MYT1L: variants seen among roughly 807,000 people sequenced by gnomAD.
The protein encoded by MYT1L is myelin transcription factor 1 like, also known as myelin transcription factor 1-like protein.
Under a neutral mutation model 126.7 loss-of-function variants are expected in MYT1L, and 12 were observed. The observed-to-expected ratio is 0.09, with a 90% CI of 0.06 to 0.15. MYT1L has a LOEUF of 0.15. MYT1L is among the 10% of genes least tolerant of loss of function. The pLI is 1.00. For missense variants in MYT1L, 979 were observed against 1,585.2 expected, an observed-to-expected ratio of 0.62 and a Z score of 6.49; for synonymous variants, 541 against 604.2, an observed-to-expected ratio of 0.90 and a Z score of 1.53.
At chr2:1,918,635 T>C (rs916934777) in intron 10 of MYT1L, among the ~76,000 whole-genome samples, 2 of 152,208 alleles carry the variant, frequency 1.3e-5, no homozygotes, top group Non-Finnish European at 2.9e-5. Context: ...CATGTTCATA[T>C]AAAAACACTC....
At chr2:1,957,467 T>C (rs2058589505) in intron 8 of MYT1L, among the ~76,000 whole-genome samples, 1 of 152,110 alleles carries the variant, frequency 6.6e-6, no homozygotes, top group Non-Finnish European at 1.5e-5. Flanking sequence ...CATTAGATTG[T>C]TCTTACGCCT....
intron 18 of MYT1L, among the ~76,000 whole-genome samples, chr2:1,880,353 T>A (rs537756422): frequency 1.3e-5 from 2 of 152,290 alleles, no homozygotes; most frequent in South Asian, 2.1e-4. Context: ...ATTTTTACTT[T>A]TCGAGACAGA....
chr2:2,146,168 A>C (rs1463722530), intron 3 of MYT1L, among the ~76,000 whole-genome samples: 3 of 152,252 alleles, frequency 2.0e-5, no homozygotes, highest in Non-Finnish European at 4.4e-5. Context: ...ATATTTTTTC[A>C]AATAATGTTT....
chr2:2,304,388 G>T (rs546687941), intron 1 of MYT1L, among the ~76,000 whole-genome samples: 1 of 152,192 alleles, frequency 6.6e-6, no homozygotes, highest in Non-Finnish European at 1.5e-5. Context: ...GATAGGCAGG[G>T]CTTAGCAGGG....
intron 3 of MYT1L, among the ~76,000 whole-genome samples, chr2:2,112,122 C>A (rs561703420): frequency 1.6e-4 from 24 of 152,296 alleles, no homozygotes; most frequent in Non-Finnish European, 3.4e-4. Context: ...CTGTCTGGGA[C>A]CTTGTGCTCC....
chr2:2,301,764 C>T (rs890804379), intron 1 of MYT1L, among the ~76,000 whole-genome samples: 16 of 149,444 alleles, frequency 1.1e-4, no homozygotes, highest in Non-Finnish European at 2.4e-4. Flanking sequence ...GAGATCAGGG[C>T]TGCAGTGAGC....
In MYT1L at chr2:2,176,564, T is replaced by C. The variant is rs938225907; in HGVS notation, c.-420-3576A>G. Among the ~76,000 whole-genome samples the C allele has an allele frequency of 2.6e-5, 4 of 151,660 alleles. No homozygotes were observed. The East Asian group carries it at 5.8e-4, about 22-fold the overall frequency. ...CCCAGGCTGGAGTGCAGTGGCACGA[T>C]CTTGGCTCACTGCAAGCTCCACCTC... On this transcript the variant is annotated intron_variant, in intron 2 of 24. Transcript: ENST00000647738.
intron 19 of MYT1L, among the ~76,000 whole-genome samples, chr2:1,847,862 G>A (rs2042707266): frequency 6.6e-6 from 1 of 152,104 alleles, no homozygotes; most frequent in Admixed American, 6.5e-5. Context: ...ATGGACTTAG[G>A]GACGTTTTAG....
intron 2 of MYT1L, among the ~76,000 whole-genome samples, chr2:2,233,489 G>A (rs755623174): frequency 1.3e-5 from 2 of 152,164 alleles, no homozygotes; most frequent in Admixed American, 6.5e-5. Context: ...GCTCCTGAGG[G>A]GTCTACACAT....
rs138051185 is a variant in MYT1L at position 2,027,030 on chromosome 2, C to T, written c.-158+26948G>A. ...GCGTCCAGGCGGGGGCACATCGGATCGCTCCACCTGGACCCCTCGCCACCT... is the reference window on the plus strand; with the variant it reads ...GCGTCCAGGCGGGGGCACATCGGATTGCTCCACCTGGACCCCTCGCCACCT... On this transcript the variant is annotated intron_variant, in intron 4 of 24. Transcript: ENST00000647738. Among the ~76,000 whole-genome samples the T allele has an allele frequency of 3.3e-3, 495 of 152,264 alleles. 3 individuals carry two copies. The highest frequency in any genetic ancestry group is 5.9e-3 in the Non-Finnish European group (398 of 68,016).
At chr2:2,301,868 T>C (rs1203641570) in intron 1 of MYT1L, among the ~76,000 whole-genome samples, 1 of 150,232 alleles carries the variant, frequency 6.7e-6, no homozygotes, top group African/African-American at 2.4e-5. Flanking sequence ...CATATGGTCA[T>C]ATCATAGAGA....
intron 21 of MYT1L, among the ~76,000 whole-genome samples, chr2:1,814,697 CTCAGT>C (rs2037353930): frequency 1.3e-5 from 2 of 152,206 alleles, no homozygotes; most frequent in Non-Finnish European, 2.9e-5. Context: ...TAAAGATCTG[CTCAGT>C]TAAGTTCTTT....
intron 3 of MYT1L, among the ~76,000 whole-genome samples, chr2:2,148,023 C>T (rs748178311): frequency 1.4e-4 from 21 of 152,154 alleles, no homozygotes; most frequent in Admixed American, 5.9e-4. Context: ...AGGAGATTGG[C>T]GAGAGGCCGC....
intron 14 of MYT1L, chr2:1,902,868 C>T (rs2050537420): frequency 7.0e-6 from 4 of 569,468 alleles, no homozygotes; most frequent in Non-Finnish European, 1.3e-5. Context: ...TGAGGGGAAA[C>T]CATCTCCTTC....
intron 1 of MYT1L, among the ~76,000 whole-genome samples, chr2:2,285,001 C>T (rs2095498716): frequency 6.6e-6 from 1 of 152,190 alleles, no homozygotes; most frequent in Non-Finnish European, 1.5e-5. Flanking sequence ...CAGGTGTGAG[C>T]CACTGCGCCT....
At chr2:1,975,751 C>A (rs1236627086) in intron 8 of MYT1L, among the ~76,000 whole-genome samples, 10 of 152,128 alleles carry the variant, frequency 6.6e-5, no homozygotes. Context: ...GTAATCCCAG[C>A]TACTTGTGAA....
chr2:1,960,498 G>C (rs114414164), intron 8 of MYT1L, among the ~76,000 whole-genome samples: 8 of 152,300 alleles, frequency 5.3e-5, no homozygotes, highest in African/African-American at 1.9e-4. Flanking sequence ...TAAAGTCAAC[G>C]TGCTTAGTGT....
chr2:1,964,977 T>C (rs531452023), intron 8 of MYT1L, among the ~76,000 whole-genome samples: 5 of 152,340 alleles, frequency 3.3e-5, no homozygotes, highest in African/African-American at 1.2e-4. Flanking sequence ...AGGAGAGCCA[T>C]TCTCCATTTG....
chr2:2,073,786 C>T (rs558959244), intron 3 of MYT1L, among the ~76,000 whole-genome samples: 1 of 152,318 alleles, frequency 6.6e-6, no homozygotes, highest in South Asian at 2.1e-4. Context: ...TTCTCCCTCC[C>T]ACTATCGGAC....
Sources: gnomAD v4.1 joint callset for allele counts (sites outside exome capture counted in the v4.1 genomes callset) on GRCh38, gnomAD v4.1.1 for gene constraint, MANE v1.5 for transcripts, NCBI Gene and HGNC (gene_info 2026-07-23, HGNC 2026-07-21) for gene names.